The following GPM6B variants were observed in gnomAD, a reference collection of about 807,000 sequenced individuals.
The protein encoded by GPM6B is glycoprotein M6B, also known as neuronal membrane glycoprotein M6-b.
Under a neutral mutation model 27.2 loss-of-function variants are expected in GPM6B, and 4 were observed. That is an observed-to-expected ratio of 0.15 (90% CI 0.07 to 0.34). The LOEUF (loss-of-function observed/expected upper bound fraction) is 0.34, where lower values mean the gene tolerates loss of function less well. Ranked by LOEUF, GPM6B falls within the 10% of genes least tolerant of loss-of-function variation. GPM6B has a pLI of 1.00. For synonymous variants in GPM6B, 124 were observed against 103.1 expected (o/e 1.20, Z -1.23); for missense variants, 183 against 261.9 (o/e 0.70, Z 2.08).
Position 13,779,987 on chromosome X carries a change from G to A in GPM6B, c.528C>T (p.Phe176=), listed in dbSNP as rs142615107. The change falls in exon 5 of 8, where the codon TTC becomes TTT. Residue 176 remains phenylalanine (F), a splice_region_variant and synonymous_variant. Coordinates refer to ENST00000316715, the MANE Select transcript of GPM6B (RefSeq NM_001001995.3). The part of the protein sequence containing the change: ...TACGRCISGM[F]VFLTYVLGVA... ...CTCCAAGCACATAGGTGAGGAAAAC[G>A]AACTAGGCCAAAACAAGAGGAAGGA... The A allele has an allele frequency of 2.0e-5, 24 of 1,176,586 alleles. No individual in the cohort carries two copies. Among genetic ancestry groups the A allele is most frequent in the Middle Eastern group, 2.4e-4 (1 of 4,224 alleles).
At position 13,802,034 on chromosome X, in the gene GPM6B, G is replaced by T. The variant is rs1318964357; in HGVS notation, c.181+5616C>A. ...GGCACCCAAAAGGACACAGCCTGAG[G>T]AGGTGGGAAGACCTAAGTGGCTGAT... On this transcript the variant is annotated intron_variant, in intron 2 of 7. Coordinates refer to ENST00000316715, the MANE Select transcript of GPM6B (RefSeq NM_001001995.3). 3.6e-5 allele frequency among the ~76,000 whole-genome samples: 4 copies of T among 111,277 alleles called. No individual in the cohort carries two copies. The Admixed American group carries it at 3.8e-4, about 11-fold the overall frequency.
intron 2 of GPM6B, among the ~76,000 whole-genome samples, chrX:13,787,274 C>T (rs1363524982): frequency 9.0e-6 from 1 of 111,659 alleles, no homozygotes; most frequent in Non-Finnish European, 1.9e-5. Context: ...AGCTGTGCTT[C>T]CTTTAATTTC....
At chrX:13,821,676 A>C (rs1281751610), upstream of GPM6B, among the ~76,000 whole-genome samples, 2 of 111,094 alleles carry the variant, frequency 1.8e-5, no homozygotes, top group Admixed American at 9.5e-5. Context: ...GGCTCACTGC[A>C]ACCTCCGCCT....
At chrX:13,932,405 T>G (rs960749807) in intron 1 of GPM6B, among the ~76,000 whole-genome samples, 20 of 112,676 alleles carry the variant, frequency 1.8e-4, no homozygotes, top group African/African-American at 6.4e-4. Flanking sequence ...CTCAGACAGA[T>G]ACTCTTTTTC....
intron 5 of GPM6B, among the ~76,000 whole-genome samples, chrX:13,778,089 G>A (rs113653383): frequency 0.019 from 1,887 of 100,176 alleles, 42 homozygotes; most frequent in African/African-American, 0.068. Context: ...TTGCTCTGTC[G>A]CCCAGGCTGG....
At chrX:13,887,759 C>A (rs946871949) in intron 1 of GPM6B, among the ~76,000 whole-genome samples, 2 of 111,727 alleles carry the variant, frequency 1.8e-5, no homozygotes, top group African/African-American at 6.5e-5. Context: ...GGTAGAGTTT[C>A]ATAGTCTCTC....
intron 1 of GPM6B, among the ~76,000 whole-genome samples, chrX:13,862,862 A>ATTT (rs112287002): frequency 4.1e-5 from 4 of 96,847 alleles, no homozygotes; most frequent in Admixed American, 1.1e-4. Context: ...AACTTTTGTG[A>ATTT]TTTTTTTTTT....
At chrX:13,844,476 T>TCACA (rs1318157666) in intron 1 of GPM6B, among the ~76,000 whole-genome samples, 1 of 112,504 alleles carries the variant, frequency 8.9e-6, no homozygotes, top group Non-Finnish European at 1.9e-5. Flanking sequence ...CTTTAATCAA[T>TCACA]CACACACACA....
chrX:13,780,006 G>A lies in GPM6B; in HGVS notation c.526-17C>T. ...GAAAACGAACTAGGCCAAAACAAGA[G>A]GAAGGACAATCATCACTGAAACAGG... On this transcript the variant is annotated splice_polypyrimidine_tract_variant and intron_variant, in intron 4 of 7. Coordinates refer to ENST00000316715, the MANE Select transcript of GPM6B (RefSeq NM_001001995.3). 8.6e-7 allele frequency: 1 copy of A among 1,160,817 alleles called. No homozygotes were observed. Among genetic ancestry groups the A allele is most frequent in the Admixed American group, 2.2e-5 (1 of 45,153 alleles).
At chrX:13,864,165 CT>C (rs1421987296) in intron 1 of GPM6B, among the ~76,000 whole-genome samples, 3 of 112,367 alleles carry the variant, frequency 2.7e-5, no homozygotes, top group African/African-American at 9.7e-5. Context: ...CTGCAAGAGC[CT>C]TGAGGAATCT....
intron 1 of GPM6B, among the ~76,000 whole-genome samples, chrX:13,862,988 T>C (rs1220608468): frequency 2.7e-5 from 3 of 111,428 alleles, no homozygotes; most frequent in African/African-American, 9.8e-5. Context: ...TGAGCCACCA[T>C]GCCCAGCTGG....
chrX:13,919,737 A>G (rs2050460081), intron 1 of GPM6B, among the ~76,000 whole-genome samples: 1 of 111,891 alleles, frequency 8.9e-6, no homozygotes, highest in Admixed American at 9.5e-5. Flanking sequence ...CTCCCATGTC[A>G]TCCTTAACAA....
At chrX:13,773,397 T>C (rs1005103713) in intron 7 of GPM6B, 7 of 127,177 alleles carry the variant, frequency 5.5e-5, no homozygotes, top group African/African-American at 2.3e-4. Context: ...TTGAAATAAG[T>C]GTAGTGTGTG....
intron 1 of GPM6B, among the ~76,000 whole-genome samples, chrX:13,908,814 C>T (rs1171161632): frequency 8.9e-6 from 1 of 112,301 alleles, no homozygotes; most frequent in Non-Finnish European, 1.9e-5. Context: ...AGATACATAT[C>T]TTAGAAACGT....
At chrX:13,925,813 G>C (rs1279627269) in intron 1 of GPM6B, among the ~76,000 whole-genome samples, 2 of 110,699 alleles carry the variant, frequency 1.8e-5, no homozygotes, top group Non-Finnish European at 3.8e-5. Context: ...CCAGCACTTT[G>C]GGAGACCGAG....
At chrX:13,864,438 T>G (rs2049886369) in intron 1 of GPM6B, among the ~76,000 whole-genome samples, 1 of 112,617 alleles carries the variant, frequency 8.9e-6, no homozygotes, top group Non-Finnish European at 1.9e-5. Flanking sequence ...GACACTGACA[T>G]GACTTGCACA....
At chrX:13,885,611 T>C in intron 1 of GPM6B, among the ~76,000 whole-genome samples, 1 of 111,818 alleles carries the variant, frequency 8.9e-6, no homozygotes, top group Non-Finnish European at 1.9e-5. Flanking sequence ...TGGTGGAGGA[T>C]GCCCAAGTGA....
intron 6 of GPM6B, among the ~76,000 whole-genome samples, chrX:13,776,513 TTAAATC>T (rs2048416094): frequency 9.0e-6 from 1 of 111,626 alleles, no homozygotes; most frequent in African/African-American, 3.3e-5. Context: ...CCCAAATCGA[TTAAATC>T]TGAATACCTA....
In GPM6B at chrX:13,775,254, G is replaced by A. The variant is rs146098535; in HGVS notation, c.837+984C>T. 6.1e-3 allele frequency among the ~76,000 whole-genome samples: 688 copies of A among 112,605 alleles called. 6 individuals carry two copies. The highest frequency in any genetic ancestry group is 0.021 in the African/African-American group (654 of 31,045). On this transcript the variant is annotated intron_variant, in intron 7 of 7. Coordinates refer to ENST00000316715, the MANE Select transcript of GPM6B (RefSeq NM_001001995.3). ...ATTCCACATTTGTGACTGCCTACTT[G>A]CTAAGATTCATTTGTAATCCTTAAT...
Sources: gnomAD v4.1 joint callset for allele counts (sites outside exome capture counted in the v4.1 genomes callset) on GRCh38, gnomAD v4.1.1 for gene constraint, MANE v1.5 for transcripts, NCBI Gene and HGNC (gene_info 2026-07-23, HGNC 2026-07-21) for gene names.